The following CALN1 variants were observed in gnomAD, a reference collection of about 807,000 sequenced individuals.
CALN1 encodes the protein calcium-binding protein 8.
A neutral mutation model predicts 30.6 loss-of-function variants in CALN1; 17 were observed. The ratio of observed to expected loss-of-function variants is 0.56; its 90% CI spans 0.38 to 0.83. The LOEUF is 0.83. CALN1 is among the 40% of genes least tolerant of loss of function. The pLI is 0.00. For synonymous variants in CALN1, 156 were observed against 131.4 expected (o/e 1.19, Z -1.28); for missense variants, 291 against 354.9 (o/e 0.82, Z 1.45).
chr7:71,895,779 A>G (rs1275530514), intron 5 of CALN1, among the ~76,000 whole-genome samples: 1 of 152,226 alleles, frequency 6.6e-6, no homozygotes. Context: ...CCTTCCAGTC[A>G]TTCATTAGAG....
intron 3 of CALN1, among the ~76,000 whole-genome samples, chr7:72,147,721 G>A (rs1429499841): frequency 2.0e-5 from 3 of 151,916 alleles, no homozygotes; most frequent in African/African-American, 7.3e-5. Flanking sequence ...ATGATAGACT[G>A]GATTAAGAAA....
At chr7:72,047,418 T>A (rs1802539643) in intron 4 of CALN1, among the ~76,000 whole-genome samples, 2 of 151,884 alleles carry the variant, frequency 1.3e-5, no homozygotes, top group African/African-American at 4.8e-5. Flanking sequence ...CAAGACCCCA[T>A]CTCTACAAAA....
At chr7:72,196,329 G>A (rs1790999166) in intron 3 of CALN1, among the ~76,000 whole-genome samples, 1 of 152,160 alleles carries the variant, frequency 6.6e-6, no homozygotes, top group South Asian at 2.1e-4. Flanking sequence ...ATGTTGCCCA[G>A]GCTAGTCTCA....
intron 3 of CALN1, among the ~76,000 whole-genome samples, chr7:72,204,084 C>T (rs761171938): frequency 8.0e-5 from 12 of 149,124 alleles, no homozygotes; most frequent in East Asian, 2.0e-4. Flanking sequence ...CTCCACCTCC[C>T]GGGTCTACGC....
At chr7:71,833,185 T>A (rs1204024204) in intron 5 of CALN1, among the ~76,000 whole-genome samples, 1 of 152,220 alleles carries the variant, frequency 6.6e-6, no homozygotes, top group Admixed American at 6.5e-5. Flanking sequence ...ATGTGATCCA[T>A]GTTATTCTAT....
At chr7:72,411,435 T>A (rs928455392) in intron 1 of CALN1, among the ~76,000 whole-genome samples, 1 of 152,118 alleles carries the variant, frequency 6.6e-6, no homozygotes, top group African/African-American at 2.4e-5. Context: ...ATATAACAAT[T>A]TTAAGGTTAA....
intron 3 of CALN1, among the ~76,000 whole-genome samples, chr7:72,179,109 A>C (rs539028116): frequency 6.6e-6 from 1 of 152,334 alleles, no homozygotes; most frequent in South Asian, 2.1e-4. Flanking sequence ...CATATCTCAC[A>C]CTAATTGGGT....
At chr7:71,856,364 C>T (rs1790946775) in intron 5 of CALN1, among the ~76,000 whole-genome samples, 1 of 152,084 alleles carries the variant, frequency 6.6e-6, no homozygotes, top group Admixed American at 6.6e-5. Context: ...TTACAGCTCA[C>T]TGGAGTCTTG....
chr7:72,225,057 A>G (rs1470165118), intron 3 of CALN1, among the ~76,000 whole-genome samples: 1 of 151,370 alleles, frequency 6.6e-6, no homozygotes, highest in Non-Finnish European at 1.5e-5. Context: ...AGCAGAGATC[A>G]CGCCACTGCA....
intron 2 of CALN1, among the ~76,000 whole-genome samples, chr7:72,369,177 A>G (rs954131064): frequency 6.6e-6 from 1 of 151,756 alleles, no homozygotes; most frequent in Admixed American, 6.6e-5. Flanking sequence ...GGTTCATGTA[A>G]AGTGTACAAT....
At chr7:72,219,779 T>C (rs943192948) in intron 3 of CALN1, among the ~76,000 whole-genome samples, 16 of 152,036 alleles carry the variant, frequency 1.1e-4, no homozygotes, top group Admixed American at 2.0e-4. Context: ...GGAAACTGCA[T>C]ATAATAGAAT....
At chr7:71,994,327 C>T (rs1460270644) in intron 5 of CALN1, among the ~76,000 whole-genome samples, 1 of 152,050 alleles carries the variant, frequency 6.6e-6, no homozygotes, top group Non-Finnish European at 1.5e-5. Context: ...GCCTGGCCAA[C>T]ATGGCAAAAC....
intron 5 of CALN1, among the ~76,000 whole-genome samples, chr7:72,007,705 C>A (rs942166135): frequency 6.6e-6 from 1 of 152,150 alleles, no homozygotes; most frequent in African/African-American, 2.4e-5. Flanking sequence ...AACATCTGCG[C>A]TCTATGCAAG....
rs1424072253 is a variant in CALN1 at position 72,278,753 on chromosome 7, G to A, written c.177C>T (p.Leu59=). ...CACTGCCAGCAGAGAGCGATCGGTTGAGGTAATTCCCCTTGTACAACAAGC... is the reference window on the plus strand; with the variant it reads ...CACTGCCAGCAGAGAGCGATCGGTTAAGGTAATTCCCCTTGTACAACAAGC... ...TAGLLYKGNY[L]NRSLSAGSDS... The change falls in exon 3 of 7, where the codon CTC becomes CTT. Residue 59 remains leucine (L), a synonymous_variant. Transcript: ENST00000395275. The A allele has an allele frequency of 6.2e-7, 1 of 1,614,100 alleles. No homozygotes were observed. The highest frequency in any genetic ancestry group is 1.7e-5 in the Admixed American group (1 of 60,022).
chr7:72,413,226 TA>T (rs1281143636), upstream of CALN1, among the ~76,000 whole-genome samples: 6 of 147,366 alleles, frequency 4.1e-5, no homozygotes, highest in African/African-American at 1.5e-4. Context: ...CATACACACA[TA>T]TACACTCACA....
chr7:72,465,567 C>G, the CALN1 span, among the ~76,000 whole-genome samples: 2 of 152,122 alleles, frequency 1.3e-5, no homozygotes, highest in African/African-American at 2.4e-5. Flanking sequence ...GGAAATTGAC[C>G]ATGGAGCTCT....
chr7:71,926,630 A>C (rs1246933816), intron 5 of CALN1, among the ~76,000 whole-genome samples: 1 of 151,894 alleles, frequency 6.6e-6, no homozygotes, highest in East Asian at 1.9e-4. Context: ...CAATTGTACA[A>C]ATTTCAGACT....
chr7:72,219,317 C>T (rs1793090418), intron 3 of CALN1, among the ~76,000 whole-genome samples: 1 of 152,152 alleles, frequency 6.6e-6, no homozygotes, highest in Non-Finnish European at 1.5e-5. Flanking sequence ...CCTTAAAATC[C>T]TGGGCTAAAG....
chr7:71,919,813 C>T (rs528734667), intron 5 of CALN1, among the ~76,000 whole-genome samples: 22 of 152,278 alleles, frequency 1.4e-4, no homozygotes, highest in African/African-American at 5.3e-4. Context: ...ATAAAGTTAC[C>T]AGTGGTCCGC....
Sources: gnomAD v4.1 joint callset for allele counts (sites outside exome capture counted in the v4.1 genomes callset) on GRCh38, gnomAD v4.1.1 for gene constraint, MANE v1.5 for transcripts, NCBI Gene and HGNC (gene_info 2026-07-23, HGNC 2026-07-21) for gene names.